The following DALRD3 variants were observed in gnomAD, a reference collection of about 807,000 sequenced individuals.
DALRD3 encodes the protein DALR anticodon binding domain containing 3.
DALRD3 carries 47 observed loss-of-function variants against 56.7 expected under a neutral mutation model. The ratio of observed to expected loss-of-function variants is 0.83; its 90% CI spans 0.66 to 1.06. DALRD3 has a LOEUF of 1.06. Among genes scored for constraint, DALRD3 ranks in the 50% least tolerant of loss-of-function variants. The pLI, the probability that DALRD3 is intolerant of heterozygous loss-of-function variation, is 0.00. For synonymous variants in DALRD3, 347 were observed against 308.5 expected (o/e 1.12, Z -1.31); for missense variants, 787 against 724.0 (o/e 1.09, Z -1.00).
At chr3:49,017,585 T>C (rs777608812) in intron 3 of DALRD3, 28 bp downstream of exon 3, 2 of 1,613,998 alleles carry the variant, frequency 1.2e-6, no homozygotes, top group Non-Finnish European at 8.5e-7. Flanking sequence ...TCCTGCCTTT[T>C]CTGGCCCTGC....
upstream of DALRD3, chr3:49,020,064 C>G (rs1052900424): frequency 1.9e-6 from 1 of 517,886 alleles, no homozygotes. Flanking sequence ...GTTGGGAAAT[C>G]CGGAGAGCAG....
chr3:49,018,048 G>A lies in DALRD3; in HGVS notation c.436C>T (p.Leu146=). 6.7e-7 allele frequency: 1 copy of A among 1,490,030 alleles called. No homozygotes were observed. The highest frequency in any genetic ancestry group is 8.8e-7 in the Non-Finnish European group (1 of 1,130,504). 92.3% of individuals were successfully genotyped at this position (1,490,030 alleles called of 1,614,324 possible). Residue 146 remains leucine (L), a synonymous_variant, in exon 2 of 12, where the codon CTG becomes TTG. Transcript: ENST00000341949. ...CCGTGAGCGCGCAGGGCTCGCGCCA[G>A]GTGATCGGCCACGAGCACCGTACGC... The part of the protein sequence containing the change: ...QLRTVLVADH[L]ARALRAHGVC...
Position 49,016,230 on chromosome 3 carries a change from ACACTT to A in DALRD3, c.1252_1256del (p.Lys418Ter), listed in dbSNP as rs765741376. 6.2e-7 allele frequency: 1 copy of A among 1,614,172 alleles called. No individual in the cohort carries two copies. The highest frequency in any genetic ancestry group is 1.1e-5 in the South Asian group (1 of 91,080). The stretch of plus-strand genomic sequence containing the variant: ...TGGGGTACAGACCTTGTTCCATACT[ACACTT>A]GTAACTCTCAAAGAGTGTGGCAAGA... On this transcript the variant is annotated frameshift_variant, in exon 9 of 12. Coordinates refer to ENST00000341949, the MANE Select transcript of DALRD3 (RefSeq NM_001009996.3). LOFTEE classifies it high-confidence loss of function.
rs1222295439 is a variant in DALRD3 at position 49,016,149 on chromosome 3, G to A, written c.1329+9C>T. On this transcript the variant is annotated intron_variant, in intron 9 of 11. Transcript: ENST00000341949. Reference sequence around the variant, plus strand: ...CCTCCTTGTGCCAGCTACCAGGAGGGACACTCACCTCATCATGTAGCAGTG... The same window carrying A: ...CCTCCTTGTGCCAGCTACCAGGAGGAACACTCACCTCATCATGTAGCAGTG... 1.2e-6 allele frequency: 2 copies of A among 1,613,496 alleles called. No homozygotes were observed. Among genetic ancestry groups the A allele is most frequent in the South Asian group, 2.2e-5 (2 of 91,076 alleles).
In DALRD3 at chr3:49,017,645, G is replaced by A. The variant is rs753901314; in HGVS notation, c.686C>T (p.Ala229Val). Reference protein sequence around the residue: ...KELVEEQGRTAGYDPNLDNCL... With the variant: ...KELVEEQGRTVGYDPNLDNCL... The stretch of plus-strand genomic sequence containing the variant: ...GTTGTCCAGGTTGGGGTCATAGCCA[G>A]CTGTGCGGCCCTGTTCTTCCACCAG... The change falls in exon 3 of 12, where the codon GCT (alanine) becomes GTT (valine). Residue 229 changes from alanine (A) to valine (V), a missense_variant. Transcript: ENST00000341949. 6.2e-7 allele frequency: 1 copy of A among 1,614,206 alleles called. No homozygotes were observed. Among genetic ancestry groups the A allele is most frequent in the Non-Finnish European group, 8.5e-7 (1 of 1,180,026 alleles).
At chr3:49,019,099 G>A, upstream of DALRD3, 1 of 908,660 alleles carries the variant, frequency 1.1e-6, no homozygotes. Context: ...TTGAGACGGA[G>A]TCTTGCTCTT....
At chr3:49,016,707 G>C in intron 6 of DALRD3, 34 bp from the exon 7 acceptor site, 2 of 1,612,422 alleles carry the variant, frequency 1.2e-6, no homozygotes, top group South Asian at 2.2e-5. Flanking sequence ...CAGTGGGCAG[G>C]GTCCTGGGTA....
upstream of DALRD3, chr3:49,018,971 A>C (rs2093127441): frequency 1.0e-6 from 1 of 985,390 alleles, no homozygotes; most frequent in Admixed American, 6.1e-5. Flanking sequence ...GCAGTATAAC[A>C]TTAAGGCCAC....
intron 5 of DALRD3, 49 bp from the exon 6 acceptor site, chr3:49,016,896 G>T: frequency 6.2e-7 from 1 of 1,609,546 alleles, no homozygotes; most frequent in South Asian, 1.1e-5. Context: ...TACTCTCCAG[G>T]AAGTCCCTTG....
At chr3:49,016,387 C>T (rs80079165) in intron 8 of DALRD3, 42 bp downstream of exon 8, 6 of 1,605,726 alleles carry the variant, frequency 3.7e-6, no homozygotes, top group Non-Finnish European at 4.3e-6. Flanking sequence ...AGCCACCACA[C>T]CCTGTGCCCC....
upstream of DALRD3, chr3:49,020,798 C>A (rs547121872): frequency 5.1e-6 from 2 of 395,420 alleles, no homozygotes; most frequent in African/African-American, 2.1e-5. Flanking sequence ...AGGAGGAAGA[C>A]CCGGGAGTAG....
At chr3:49,021,158 A>T (rs2093152892), upstream of DALRD3, 1 of 152,842 alleles carries the variant, frequency 6.5e-6, no homozygotes. This position sits in a 1 kb window ranked among gnomAD's most constrained non-coding sequence, Gnocchi z 4.1. Context: ...ACCCCCGGAA[A>T]CCCATTGCGA....
In DALRD3 at chr3:49,016,481, A is replaced by G. The variant is rs1166743577; in HGVS notation, c.1094T>C (p.Leu365Pro). The change falls in exon 8 of 12, where the codon CTC (leucine) becomes CCC (proline). Residue 365 changes from leucine (L) to proline (P), a missense_variant. Transcript: ENST00000341949. ...DPAWTEIFGV[L>P]SVATIKFEML... is the part of the protein sequence containing the mutation. ...CTCAAACTTGATGGTGGCCACAGAG[A>G]GAACACCAAAGATCTCTGTCCAGGC... 3.7e-6 allele frequency: 6 copies of G among 1,614,032 alleles called. No individual in the cohort carries two copies. Among genetic ancestry groups the G allele is most frequent in the Non-Finnish European group, 3.4e-6 (4 of 1,180,000 alleles).
chr3:49,017,753 C>A lies in DALRD3; in HGVS notation c.578G>T (p.Ser193Ile). The change falls in exon 3 of 12, where the codon AGC becomes ATC. Residue 193 changes from serine (S) to isoleucine (I), a missense_variant. Physicochemically the swap from Ser to Ile is moderately radical, Grantham distance 142. Transcript: ENST00000341949. ...AGAGGTAAGTTCTTCAAGGGCGTGG[C>A]TCCTCAGGGTGTGGGAGGAAGCTCT... Reference protein sequence around the residue: ...SERASSHTLRSHALEELTSAN... With the variant: ...SERASSHTLRIHALEELTSAN... 1 of 1,614,000 alleles carries A rather than the reference C, an allele frequency of 6.2e-7. No individual in the cohort carries two copies. Among genetic ancestry groups the A allele is most frequent in the Non-Finnish European group, 8.5e-7 (1 of 1,180,042 alleles).
Position 49,016,207 on chromosome 3 carries a change from G to A in DALRD3, c.1280C>T (p.Pro427Leu), listed in dbSNP as rs1467103642. The part of the protein sequence containing the change: ...YKCSMEQGLY[P>L]TFPPVSSLDF... ...CAGACTGCTCACAGGAGGAAAAGTG[G>A]GGTACAGACCTTGTTCCATACTACA... The change falls in exon 9 of 12, where the codon CCC becomes CTC. Residue 427 changes from proline (P) to leucine (L), a missense_variant. Physicochemically the swap from Pro to Leu is moderately conservative, Grantham distance 98. Transcript: ENST00000341949. 2 of 1,614,128 alleles carry A rather than the reference G, an allele frequency of 1.2e-6. No individual in the cohort carries two copies. The highest frequency in any genetic ancestry group is 1.7e-5 in the Admixed American group (1 of 60,020).
chr3:49,016,193 C>T lies in DALRD3; in HGVS notation c.1294G>A (p.Val432Met). 1 of 1,614,138 alleles carries T rather than the reference C, an allele frequency of 6.2e-7. No homozygotes were observed. The highest frequency in any genetic ancestry group is 8.5e-7 in the Non-Finnish European group (1 of 1,180,016). Residue 432 changes from valine to methionine, a missense_variant, in exon 9 of 12, where the codon GTG (valine) becomes ATG (methionine). Val to Met is a conservative substitution (Grantham distance 21, BLOSUM62 1). Transcript: ENST00000341949. ...AGCAGTGAGAAGTCCAGACTGCTCA[C>T]AGGAGGAAAAGTGGGGTACAGACCT... ...EQGLYPTFPP[V>M]SSLDFSLLHD...
intron 7 of DALRD3, 45 bp from the exon 8 acceptor site, chr3:49,016,556 G>A: frequency 1.2e-6 from 2 of 1,600,574 alleles, no homozygotes; most frequent in African/African-American, 1.3e-5. Context: ...GGCAAGGGCA[G>A]GGATGCAAAA....
At chr3:49,019,266 T>C (rs2093130604), upstream of DALRD3, among the ~76,000 whole-genome samples, 1 of 151,454 alleles carries the variant, frequency 6.6e-6, no homozygotes, top group South Asian at 2.1e-4. Context: ...AGAGACGGGG[T>C]TTCGCCATGT....
At position 49,018,325 on chromosome 3, in the gene DALRD3, G is replaced by T; in HGVS notation, c.166-7C>A. On this transcript the variant is annotated splice_polypyrimidine_tract_variant and splice_region_variant and intron_variant, in intron 1 of 11. Transcript: ENST00000341949. ...GGAGCAAATGCTCCGGAACCTGCGG[G>T]AGAACGGGCGTGTAAAAGAGCCACG... The T allele has an allele frequency of 6.7e-7, 1 of 1,482,464 alleles. No homozygotes were observed. 91.8% of individuals were successfully genotyped at this position (1,482,464 alleles called of 1,614,324 possible). A position where few individuals can be genotyped will look rare whatever the true frequency, so the allele number is the denominator to read the frequency against.
Sources: gnomAD v4.1 joint callset for allele counts (sites outside exome capture counted in the v4.1 genomes callset) on GRCh38, gnomAD v4.1.1 for gene constraint, Gnocchi (gnomAD v3.1) non-coding constraint, MANE v1.5 for transcripts, NCBI Gene and HGNC (gene_info 2026-07-23, HGNC 2026-07-21) for gene names.